The following PDSS2 variants were observed in gnomAD, a reference collection of about 807,000 sequenced individuals.
The protein encoded by PDSS2 is all trans-polyprenyl-diphosphate synthase PDSS2.
Under a neutral mutation model 44.5 loss-of-function variants are expected in PDSS2, and 31 were observed. The observed-to-expected ratio is 0.70, with a 90% CI of 0.52 to 0.94. The LOEUF (loss-of-function observed/expected upper bound fraction) is 0.94. Ranked by LOEUF, PDSS2 falls within the 40% of genes least tolerant of loss-of-function variation. The pLI is 0.00. For missense variants in PDSS2, 452 were observed against 482.2 expected, an observed-to-expected ratio of 0.94 and a Z score of 0.59; for synonymous variants, 157 against 180.3, an observed-to-expected ratio of 0.87 and a Z score of 1.03.
intron 7 of PDSS2, among the ~76,000 whole-genome samples, chr6:107,188,423 G>A (rs1227634697): frequency 1.3e-5 from 2 of 151,882 alleles, no homozygotes; most frequent in South Asian, 2.1e-4. Flanking sequence ...AATGTCGGTT[G>A]GGTGAAGGAG....
At chr6:107,402,533 T>TTATATATATATA (rs765013424) in intron 1 of PDSS2, among the ~76,000 whole-genome samples, 3 of 63,816 alleles carry the variant, frequency 4.7e-5, no homozygotes, top group African/African-American at 1.4e-4. Context: ...TACATACATT[T>TTATATATATATA]TATATATATA....
rs187173112 is a variant in PDSS2 at position 107,157,537 on chromosome 6, C to G, written c.1042-2760G>C. 3.3e-3 allele frequency among the ~76,000 whole-genome samples: 505 copies of G among 152,228 alleles called. 3 individuals carry two copies. Among genetic ancestry groups the G allele is most frequent in the African/African-American group, 0.011 (466 of 41,538 alleles). On this transcript the variant is annotated intron_variant, in intron 7 of 7. Transcript: ENST00000369037. ...TCCCCCTGGGGCTGTCTCCCCCACC[C>G]CAACAAGCTCCCCAAATTCCACCTG...
In PDSS2 at chr6:107,288,183, A is replaced by G. The variant is rs145712171; in HGVS notation, c.432-13956T>C. ...TTGTTTTTAATAGTGTACATTACATAGTTTGGTAACAACAAATAATTAGAA... is the reference window on the plus strand; with the variant it reads ...TTGTTTTTAATAGTGTACATTACATGGTTTGGTAACAACAAATAATTAGAA... On this transcript the variant is annotated intron_variant, in intron 2 of 7. Transcript: ENST00000369037. Among the ~76,000 whole-genome samples, 16 of 152,336 alleles carry G rather than the reference A, an allele frequency of 1.1e-4. No homozygotes were observed. In the East Asian group the frequency reaches 2.7e-3, roughly 26 times the overall value.
rs375970122 is a variant in PDSS2, at chr6:107,272,027, A to G, written c.630+2002T>C. Among the ~76,000 whole-genome samples the G allele has an allele frequency of 1.6e-3, 241 of 151,872 alleles. 6 individuals are homozygous for G. The East Asian group carries it at 0.04, about 25-fold the overall frequency. On this transcript the variant is annotated intron_variant, in intron 3 of 7. Transcript: ENST00000369037. The stretch of plus-strand genomic sequence containing the variant: ...TGCAGTGATCACGCCACTGCACTCC[A>G]GCCTAGGTTACAGAGTAAGACCCTG...
intron 1 of PDSS2, among the ~76,000 whole-genome samples, chr6:107,389,755 A>G (rs2114518099): frequency 6.6e-6 from 1 of 152,296 alleles, no homozygotes; most frequent in Non-Finnish European, 1.5e-5. Flanking sequence ...AGGAATGTCC[A>G]GAAGCAATGA....
At chr6:107,311,076 C>A (rs1777030009) in intron 2 of PDSS2, among the ~76,000 whole-genome samples, 1 of 151,952 alleles carries the variant, frequency 6.6e-6, no homozygotes, top group Admixed American at 6.6e-5. Flanking sequence ...CACCACCACG[C>A]CCAGCTAATT....
At chr6:107,265,829 A>G (rs1285166003) in intron 3 of PDSS2, among the ~76,000 whole-genome samples, 1 of 152,176 alleles carries the variant, frequency 6.6e-6, no homozygotes, top group Non-Finnish European at 1.5e-5. Context: ...AATCCCAGCT[A>G]CTTGAGAGGC....
intron 2 of PDSS2, among the ~76,000 whole-genome samples, chr6:107,302,507 A>G (rs1016116276): frequency 1.3e-5 from 2 of 152,086 alleles, no homozygotes; most frequent in African/African-American, 4.8e-5. Context: ...GTGTCAAACC[A>G]TCCTCCTGCC....
intron 1 of PDSS2, among the ~76,000 whole-genome samples, chr6:107,398,786 C>G (rs183513921): frequency 2.1e-4 from 32 of 152,320 alleles, no homozygotes; most frequent in African/African-American, 4.1e-4. Flanking sequence ...TGGGCTCCCC[C>G]ACCTGGACCA....
intron 2 of PDSS2, among the ~76,000 whole-genome samples, chr6:107,304,680 T>C (rs1776801268): frequency 6.6e-6 from 1 of 152,258 alleles, no homozygotes; most frequent in African/African-American, 2.4e-5. Flanking sequence ...ATAACTTCAA[T>C]AGTAAGTGCT....
intron 2 of PDSS2, among the ~76,000 whole-genome samples, chr6:107,308,539 T>C (rs898541929): frequency 6.6e-6 from 1 of 152,168 alleles, no homozygotes; most frequent in Non-Finnish European, 1.5e-5. Flanking sequence ...GAAAATTATA[T>C]AGTACATAAG....
intron 3 of PDSS2, among the ~76,000 whole-genome samples, chr6:107,259,279 T>C (rs574761491): frequency 1.3e-5 from 2 of 152,240 alleles, no homozygotes; most frequent in South Asian, 2.1e-4. Context: ...AAATAATAGA[T>C]GGATGAATGA....
chr6:107,378,661 C>T (rs1779364895), intron 1 of PDSS2, among the ~76,000 whole-genome samples: 1 of 152,114 alleles, frequency 6.6e-6, no homozygotes, highest in African/African-American at 2.4e-5. Context: ...TGGCAGGCAC[C>T]TGTAATCCCA....
At chr6:107,218,647 G>T (rs376698184) in intron 4 of PDSS2, among the ~76,000 whole-genome samples, 2 of 152,118 alleles carry the variant, frequency 1.3e-5, no homozygotes, top group East Asian at 3.9e-4. Context: ...ATCTAATATA[G>T]TATCTTAGGT....
intron 1 of PDSS2, among the ~76,000 whole-genome samples, chr6:107,367,069 A>G (rs1318385200): frequency 2.0e-5 from 3 of 152,196 alleles, no homozygotes; most frequent in Non-Finnish European, 1.5e-5. Context: ...GAATGCAGAC[A>G]CAAAAGTGCT....
At chr6:107,273,794 T>C (rs1252644070) in intron 3 of PDSS2, among the ~76,000 whole-genome samples, 5 of 148,804 alleles carry the variant, frequency 3.4e-5, no homozygotes, top group African/African-American at 1.2e-4. Flanking sequence ...CCCTATCCTA[T>C]AATTAATAAT....
intron 1 of PDSS2, among the ~76,000 whole-genome samples, chr6:107,437,152 A>G (rs1781373783): frequency 6.6e-6 from 1 of 152,196 alleles, no homozygotes; most frequent in Non-Finnish European, 1.5e-5. Flanking sequence ...GGTGTGTGCC[A>G]TCGCACTGGT....
Position 107,174,953 on chromosome 6 carries a change from G to T in PDSS2, c.1041+18869C>A, listed in dbSNP as rs1380513101. Among the ~76,000 whole-genome samples the T allele has an allele frequency of 2.6e-5, 4 of 152,222 alleles. No individual in the cohort carries two copies. In the South Asian group the frequency reaches 6.2e-4, roughly 24 times the overall value. On this transcript the variant is annotated intron_variant, in intron 7 of 7. Transcript: ENST00000369037. ...CTCTTGGCCAGGTGTGGTGGTTCACGCCAGGAATCCCAGCACTTTGGGAGG... is the reference window on the plus strand; with the variant it reads ...CTCTTGGCCAGGTGTGGTGGTTCACTCCAGGAATCCCAGCACTTTGGGAGG...
At position 107,334,270 on chromosome 6, in the gene PDSS2, G is replaced by A. The variant is rs1197453075; in HGVS notation, c.359C>T (p.Ser120Phe). The A allele has an allele frequency of 6.2e-7, 1 of 1,613,152 alleles. No individual in the cohort carries two copies. The highest frequency in any genetic ancestry group is 1.7e-5 in the Admixed American group (1 of 59,988). ...QLRGLVVLLISKAAGPSSVNT... is the reference protein window; with the variant it reads ...QLRGLVVLLIFKAAGPSSVNT... ...CACGCTGCTGGGCCCAGCTGCTTTA[G>A]AGATAAGGAGCACCACCAAGCCCCT... is the stretch of plus-strand genomic sequence containing the variant. Residue 120 changes from serine (S) to phenylalanine (F), a missense_variant, in exon 2 of 8, where the codon TCT becomes TTT. Physicochemically the swap from Ser to Phe is radical, Grantham distance 155. Coordinates refer to ENST00000369037, the MANE Select transcript of PDSS2 (RefSeq NM_020381.4).
Sources: allele counts gnomAD v4.1 joint callset (sites outside exome capture counted in the v4.1 genomes callset), GRCh38; gene constraint gnomAD v4.1.1; transcripts MANE v1.5; gene names NCBI Gene and HGNC (gene_info 2026-07-23, HGNC 2026-07-21).